Variants in NCEH1 observed in about 807,000 individuals in gnomAD.
NCEH1 encodes the protein neutral cholesterol ester hydrolase 1.
A neutral mutation model predicts 25.4 loss-of-function variants in NCEH1; 9 were observed. The ratio of observed to expected loss-of-function variants is 0.35; its 90% CI spans 0.21 to 0.62. The LOEUF (loss-of-function observed/expected upper bound fraction) is 0.62. Among genes scored for constraint, NCEH1 ranks in the 20% least tolerant of loss-of-function variants. NCEH1 has a pLI of 0.72. For missense variants in NCEH1, 412 were observed against 501.1 expected, an observed-to-expected ratio of 0.82 and a Z score of 1.70; for synonymous variants, 200 against 199.8, an observed-to-expected ratio of 1.00 and a Z score of -0.01.
At chr3:172,655,542 G>A (rs532468035) in intron 1 of NCEH1, among the ~76,000 whole-genome samples, 1 of 152,366 alleles carries the variant, frequency 6.6e-6, no homozygotes, top group South Asian at 2.1e-4. Context: ...AAGGCAAACA[G>A]ATGTTTCTGG....
At chr3:172,676,621 T>C (rs1047563818) in intron 1 of NCEH1, among the ~76,000 whole-genome samples, 15 of 152,114 alleles carry the variant, frequency 9.9e-5, no homozygotes, top group Admixed American at 9.2e-4. Context: ...CCCCTCCCTT[T>C]GTCTCTGTAC....
intron 1 of NCEH1, among the ~76,000 whole-genome samples, chr3:172,653,735 G>GTTTTTTTTTTTTTTTTTTTTTTT (rs1553830302): frequency 4.2e-5 from 3 of 71,026 alleles, no homozygotes; most frequent in African/African-American, 1.5e-4. Flanking sequence ...TTGTTGTTCT[G>GTTTTTTTTTTTTTTTTTTTTTTT]TTTTTTTTGT....
Position 172,650,933 on chromosome 3 carries a change from G to A in NCEH1, c.139-2819C>T, listed in dbSNP as rs1343852517. Among the ~76,000 whole-genome samples, 3 of 151,898 alleles carry A rather than the reference G, an allele frequency of 2.0e-5. No individual in the cohort carries two copies. The East Asian group carries it at 5.8e-4, about 29-fold the overall frequency. On this transcript the variant is annotated intron_variant, in intron 1 of 4. Transcript: ENST00000475381. ...AGAGAACTGCTACAAGAAAAACTGT[G>A]CTAATGTTCACAATTGTATTGATAA...
At chr3:172,646,243 T>C (rs1717115600) in intron 2 of NCEH1, among the ~76,000 whole-genome samples, 3 of 152,264 alleles carry the variant, frequency 2.0e-5, no homozygotes, top group African/African-American at 7.2e-5. Flanking sequence ...CAGTCCCAGT[T>C]GCTTGGGAGG....
At chr3:172,699,090 G>A (rs533319176) in intron 1 of NCEH1, among the ~76,000 whole-genome samples, 1 of 152,174 alleles carries the variant, frequency 6.6e-6, no homozygotes, top group Non-Finnish European at 1.5e-5. Flanking sequence ...AAACCAAAAC[G>A]CTAGCAGAGT....
At chr3:172,647,053 C>T (rs980783874) in intron 2 of NCEH1, among the ~76,000 whole-genome samples, 2 of 151,838 alleles carry the variant, frequency 1.3e-5, no homozygotes, top group Non-Finnish European at 2.9e-5. Flanking sequence ...GAATAAACAA[C>T]GGATATGGAA....
At chr3:172,693,179 T>G (rs1713160924) in intron 1 of NCEH1, among the ~76,000 whole-genome samples, 1 of 152,252 alleles carries the variant, frequency 6.6e-6, no homozygotes, top group South Asian at 2.1e-4. Flanking sequence ...TCTGACACAT[T>G]CTGGGTAGCC....
intron 1 of NCEH1, among the ~76,000 whole-genome samples, chr3:172,675,491 T>C (rs929536880): frequency 1.3e-5 from 2 of 150,614 alleles, no homozygotes; most frequent in Non-Finnish European, 3.0e-5. Flanking sequence ...TAAAAGGAAA[T>C]GACTGGTTTT....
At chr3:172,647,161 CT>C (rs1717157110) in intron 2 of NCEH1, among the ~76,000 whole-genome samples, 3 of 152,050 alleles carry the variant, frequency 2.0e-5, no homozygotes. Context: ...GTTGCCATTG[CT>C]TTTAAACTAA....
At chr3:172,675,860 G>A (rs1287847002) in intron 1 of NCEH1, among the ~76,000 whole-genome samples, 1 of 152,182 alleles carries the variant, frequency 6.6e-6, no homozygotes, top group African/African-American at 2.4e-5. Context: ...TGGTCTACAG[G>A]ACCCCCACTG....
At chr3:172,653,755 TTTTTG>T (rs1717547698) in intron 1 of NCEH1, among the ~76,000 whole-genome samples, 6 of 62,500 alleles carry the variant, frequency 9.6e-5, no homozygotes, top group African/African-American at 4.3e-4. Flanking sequence ...TTTTTTTGTT[TTTTTG>T]TTTTTTTTTT....
In NCEH1 at chr3:172,706,010, C is replaced by CAA. The variant is rs35383888; in HGVS notation, c.138+4835_138+4836dup. On this transcript the variant is annotated intron_variant, in intron 1 of 4. Transcript: ENST00000475381. The stretch of plus-strand genomic sequence containing the variant: ...GAGACTCCATCTCAACAACAACAAC[C>CAA]AAAAAAAAAAAAAAAAAAAAAACCC... Among the ~76,000 whole-genome samples the CAA allele has an allele frequency of 2.9e-3, 303 of 103,814 alleles. 1 individual carries two copies. The highest frequency in any genetic ancestry group is 5.7e-3 in the African/African-American group (150 of 26,132). 68.1% of individuals were successfully genotyped at this position (103,814 alleles called of 152,430 possible). A position where few individuals can be genotyped will look rare whatever the true frequency, so the allele number is the denominator to read the frequency against.
At chr3:172,689,621 G>GA (rs367611640) in intron 1 of NCEH1, among the ~76,000 whole-genome samples, 1 of 340 alleles carries the variant, frequency 2.9e-3, no homozygotes, top group Non-Finnish European at 5.9e-3. Context: ...GAGTCGGGTA[G>GA]ACCACCTGAG....
At chr3:172,640,198 A>G (rs377343861) in intron 3 of NCEH1, among the ~76,000 whole-genome samples, 3 of 152,352 alleles carry the variant, frequency 2.0e-5, no homozygotes, top group African/African-American at 7.2e-5. Context: ...TATCAGATTC[A>G]GCAGGAGAGA....
intron 1 of NCEH1, among the ~76,000 whole-genome samples, chr3:172,687,067 G>A (rs1712739452): frequency 6.6e-6 from 1 of 152,184 alleles, no homozygotes; most frequent in Non-Finnish European, 1.5e-5. Flanking sequence ...GAGAATTAAA[G>A]GGTGGGTGAC....
intron 3 of NCEH1, among the ~76,000 whole-genome samples, chr3:172,642,127 A>G (rs1716878014): frequency 6.6e-6 from 1 of 152,148 alleles, no homozygotes; most frequent in South Asian, 2.1e-4. Context: ...AGAAGAAAGA[A>G]GCGAGCCACT....
At chr3:172,707,865 C>T (rs1714095355) in intron 1 of NCEH1, among the ~76,000 whole-genome samples, 1 of 152,216 alleles carries the variant, frequency 6.6e-6, no homozygotes, top group South Asian at 2.1e-4. Flanking sequence ...GGATTACAGG[C>T]GTGAGCCACC....
chr3:172,660,142 C>T (rs1167270982), intron 1 of NCEH1, among the ~76,000 whole-genome samples: 4 of 144,454 alleles, frequency 2.8e-5, no homozygotes, highest in Non-Finnish European at 4.6e-5. Flanking sequence ...CTCCCCACGA[C>T]AGGCCCCAGT....
chr3:172,676,333 A>G (rs1261589630), intron 1 of NCEH1, among the ~76,000 whole-genome samples: 1 of 152,144 alleles, frequency 6.6e-6, no homozygotes, highest in Non-Finnish European at 1.5e-5. Flanking sequence ...GGTCCACCCA[A>G]TATGGCGACT....
Sources: allele counts gnomAD v4.1 joint callset (sites outside exome capture counted in the v4.1 genomes callset), GRCh38; gene constraint gnomAD v4.1.1; transcripts MANE v1.5; gene names NCBI Gene and HGNC (gene_info 2026-07-23, HGNC 2026-07-21).